BRINP1: variants seen among roughly 807,000 people sequenced by gnomAD.
BRINP1 encodes BMP/retinoic acid inducible neural specific 1, also known as BMP/retinoic acid-inducible neural-specific protein 1.
BRINP1 carries 17 observed loss-of-function variants against 72.9 expected under a neutral mutation model. That is an observed-to-expected ratio of 0.23 (90% CI 0.16 to 0.35). The LOEUF (loss-of-function observed/expected upper bound fraction) is 0.35. Ranked by LOEUF, BRINP1 falls within the 10% of genes least tolerant of loss-of-function variation. The probability of loss-of-function intolerance (pLI) is 1.00; values close to 1 mark genes in which losing one functional copy is unlikely to be tolerated. For missense variants in BRINP1, 850 were observed against 1,001.6 expected, an observed-to-expected ratio of 0.85 and a Z score of 2.04; for synonymous variants, 418 against 378.5, an observed-to-expected ratio of 1.10 and a Z score of -1.21.
At position 119,255,986 on chromosome 9, in the gene BRINP1, C is replaced by T. The variant is rs542029016; in HGVS notation, c.219-6836G>A. Among the ~76,000 whole-genome samples the T allele has an allele frequency of 1.4e-4, 19 of 134,136 alleles. No homozygotes were observed. In the East Asian group the frequency reaches 3.3e-3, roughly 24 times the overall value. The allele number at this position is 134,136 out of a possible 152,430, so 88.0% of individuals were successfully genotyped here. On this transcript the variant is annotated intron_variant, in intron 2 of 7. Coordinates refer to ENST00000265922, the MANE Select transcript of BRINP1 (RefSeq NM_014618.3). The stretch of plus-strand genomic sequence containing the variant: ...AAAAAAAAAAAAAAAAAAAAAAACA[C>T]GAGACAGGAAGGAGAACTGGCTCTG...
chr9:119,213,847 C>T (rs889635670), intron 6 of BRINP1, 72 bp downstream of exon 6: 1 of 1,338,356 alleles, frequency 7.5e-7, no homozygotes, highest in Non-Finnish European at 1.1e-6. Context: ...AGTCCTAATT[C>T]CAGTTAGATT....
At chr9:119,176,944 C>A (rs898750262) in intron 7 of BRINP1, among the ~76,000 whole-genome samples, 1 of 152,046 alleles carries the variant, frequency 6.6e-6, no homozygotes. Flanking sequence ...ACAGAACCAC[C>A]CGGACCTGGC....
chr9:119,207,882 G>C (rs1829874774), intron 7 of BRINP1, among the ~76,000 whole-genome samples: 1 of 152,150 alleles, frequency 6.6e-6, no homozygotes, highest in South Asian at 2.1e-4. Context: ...AGGGTGGAGA[G>C]AGAGCCCCAA....
chr9:119,341,218 G>A (rs969363750), intron 1 of BRINP1, among the ~76,000 whole-genome samples: 3 of 152,188 alleles, frequency 2.0e-5, no homozygotes, highest in Non-Finnish European at 4.4e-5. Flanking sequence ...CAGCATTTCA[G>A]AAAAATGACA....
At chr9:119,266,532 C>A (rs1287427459) in intron 2 of BRINP1, among the ~76,000 whole-genome samples, 1 of 152,142 alleles carries the variant, frequency 6.6e-6, no homozygotes, top group Non-Finnish European at 1.5e-5. Context: ...TAATTTATTT[C>A]TTTAGCAGTA....
chr9:119,271,777 T>C (rs1830608085), intron 2 of BRINP1, among the ~76,000 whole-genome samples: 1 of 152,010 alleles, frequency 6.6e-6, no homozygotes, highest in African/African-American at 2.4e-5. Flanking sequence ...TGCCACTTCT[T>C]TGTCTTTTTT....
At chr9:119,256,961 T>C (rs1830453090) in intron 2 of BRINP1, among the ~76,000 whole-genome samples, 1 of 152,114 alleles carries the variant, frequency 6.6e-6, no homozygotes, top group East Asian at 1.9e-4. Context: ...TTATAGGCCG[T>C]AAAATACACA....
intron 7 of BRINP1, among the ~76,000 whole-genome samples, chr9:119,177,917 G>A (rs924806351): frequency 6.6e-6 from 1 of 152,162 alleles, no homozygotes; most frequent in Admixed American, 6.5e-5. Flanking sequence ...ACAGCAAGAG[G>A]ACTTAGAAAG....
intron 1 of BRINP1, among the ~76,000 whole-genome samples, chr9:119,319,558 C>T (rs1469558379): frequency 6.6e-6 from 1 of 152,178 alleles, no homozygotes; most frequent in Non-Finnish European, 1.5e-5. Flanking sequence ...TTAGCACCAA[C>T]TGTGCTGGAG....
intron 2 of BRINP1, among the ~76,000 whole-genome samples, chr9:119,254,834 T>C (rs1830428803): frequency 6.6e-6 from 1 of 152,198 alleles, no homozygotes; most frequent in African/African-American, 2.4e-5. Context: ...CAATAAAACT[T>C]TATTTACAAA....
At chr9:119,340,099 C>G (rs1289565972) in intron 1 of BRINP1, among the ~76,000 whole-genome samples, 1 of 152,144 alleles carries the variant, frequency 6.6e-6, no homozygotes, top group African/African-American at 2.4e-5. Flanking sequence ...GCTGTTCTTC[C>G]TCTCCAGAGT....
intron 3 of BRINP1, among the ~76,000 whole-genome samples, chr9:119,248,300 G>T (rs1232265206): frequency 2.0e-5 from 3 of 152,152 alleles, no homozygotes; most frequent in Non-Finnish European, 4.4e-5. Flanking sequence ...GGTGCCTAAG[G>T]GATTGCTCCT....
intron 2 of BRINP1, among the ~76,000 whole-genome samples, chr9:119,294,296 C>T (rs1331189502): frequency 6.6e-6 from 1 of 150,900 alleles, no homozygotes; most frequent in Non-Finnish European, 1.5e-5. Context: ...TTTGGGAGGC[C>T]GAGGCGGATG....
chr9:119,268,260 A>ATAGC (rs1830572264), intron 2 of BRINP1, among the ~76,000 whole-genome samples: 1 of 130,208 alleles, frequency 7.7e-6, no homozygotes, highest in South Asian at 2.8e-4. Context: ...AGATAGATAG[A>ATAGC]TAGATAGATA....
At chr9:119,280,584 A>G (rs1045712374) in intron 2 of BRINP1, among the ~76,000 whole-genome samples, 4 of 152,032 alleles carry the variant, frequency 2.6e-5, no homozygotes, top group Non-Finnish European at 4.4e-5. Flanking sequence ...ATCAAACCCA[A>G]TTGAGATGCA....
rs1455155816 is a variant in BRINP1 at position 119,174,026 on chromosome 9, T to C, written c.1146-5802A>G. On this transcript the variant is annotated intron_variant, in intron 7 of 7. Transcript: ENST00000265922. The stretch of plus-strand genomic sequence containing the variant: ...AGACTTAAACGTTAGACAGAAAACC[T>C]AGGCATTACCATTCAGGACATAGGC... Among the ~76,000 whole-genome samples the C allele has an allele frequency of 1.4e-4, 16 of 113,320 alleles. 3 individuals carry two copies. The highest frequency in any genetic ancestry group is 1.9e-4 in the Non-Finnish European group (12 of 62,880). The allele number at this position is 113,320 out of a possible 152,430, so 74.3% of individuals were successfully genotyped here. A position where few individuals can be genotyped will look rare whatever the true frequency, so the allele number is the denominator to read the frequency against.
intron 1 of BRINP1, among the ~76,000 whole-genome samples, chr9:119,355,712 G>C (rs1045861906): frequency 3.5e-5 from 5 of 143,828 alleles, no homozygotes; most frequent in African/African-American, 7.9e-5. Flanking sequence ...CTGGGCGACA[G>C]AGCAAGACTC....
At position 119,167,686 on chromosome 9, in the gene BRINP1, C is replaced by T. The variant is rs1301108790; in HGVS notation, c.1684G>A (p.Val562Ile). 3 of 1,614,112 alleles carry T rather than the reference C, an allele frequency of 1.9e-6. No homozygotes were observed. The highest frequency in any genetic ancestry group is 2.2e-5 in the South Asian group (2 of 91,078). The change falls in exon 8 of 8, where the codon GTC becomes ATC. Residue 562 changes from valine (V) to isoleucine (I), a missense_variant. By Grantham distance (29) the Val-to-Ile change is conservative (BLOSUM62 3). Transcript: ENST00000265922. The surrounding 1 kb of genome is among the most constrained non-coding windows in gnomAD (Gnocchi z 4.3). Reference sequence around the variant, plus strand: ...CTCCCGCTAAAGGGGTTGACATAGACAAAGAACATGGGGTCCAGGCTGCTG... The same window carrying T: ...CTCCCGCTAAAGGGGTTGACATAGATAAAGAACATGGGGTCCAGGCTGCTG... ...RNSSLDPMFF[V>I]YVNPFSGSHS...
intron 7 of BRINP1, among the ~76,000 whole-genome samples, chr9:119,173,306 A>G (rs1829439706): frequency 6.7e-6 from 1 of 148,688 alleles, no homozygotes; most frequent in Non-Finnish European, 1.5e-5. Context: ...AAATCAATGT[A>G]CAAAAATCAC....
Sources: gnomAD v4.1 joint callset for allele counts (sites outside exome capture counted in the v4.1 genomes callset) on GRCh38, gnomAD v4.1.1 for gene constraint, Gnocchi (gnomAD v3.1) non-coding constraint, MANE v1.5 for transcripts, NCBI Gene and HGNC (gene_info 2026-07-23, HGNC 2026-07-21) for gene names.